HSD17B4: variants seen among roughly 807,000 people sequenced by gnomAD.
HSD17B4 encodes the protein peroxisomal multifunctional enzyme type 2.
Under a neutral mutation model 101.0 loss-of-function variants are expected in HSD17B4, and 70 were observed. The observed-to-expected ratio is 0.69, with a 90% CI of 0.57 to 0.85. The LOEUF (loss-of-function observed/expected upper bound fraction) is 0.85, where lower values mean the gene tolerates loss of function less well. Among genes scored for constraint, HSD17B4 ranks in the 40% least tolerant of loss-of-function variants. HSD17B4 has a pLI of 0.00. For missense variants in HSD17B4, 984 were observed against 892.4 expected (o/e 1.10, Z -1.31); for synonymous variants, 347 against 297.1 (o/e 1.17, Z -1.73).
At chr5:119,488,588 A>C (rs1057487146) in intron 8 of HSD17B4, among the ~76,000 whole-genome samples, 21 of 152,186 alleles carry the variant, frequency 1.4e-4, no homozygotes, top group African/African-American at 4.8e-4. Flanking sequence ...TCAAAATATC[A>C]CATGCACCTT....
At chr5:119,469,627 T>C (rs911952812) in intron 2 of HSD17B4, among the ~76,000 whole-genome samples, 2 of 152,228 alleles carry the variant, frequency 1.3e-5, no homozygotes, top group African/African-American at 4.8e-5. Flanking sequence ...AGTGCTGGGA[T>C]TGCAGGCGTG....
chr5:119,461,526 C>G (rs972272463), intron 2 of HSD17B4, among the ~76,000 whole-genome samples: 3 of 152,088 alleles, frequency 2.0e-5, no homozygotes, highest in African/African-American at 4.8e-5. Flanking sequence ...GTACCTTGTA[C>G]TTAGTTATCT....
intron 8 of HSD17B4, among the ~76,000 whole-genome samples, chr5:119,481,524 AG>A (rs1429222794): frequency 1.3e-5 from 2 of 152,208 alleles, no homozygotes; most frequent in African/African-American, 4.8e-5. Context: ...ATTGCAATAA[AG>A]CAAGTCATAT....
At chr5:119,465,823 C>T (rs985814485) in intron 2 of HSD17B4, among the ~76,000 whole-genome samples, 1 of 152,164 alleles carries the variant, frequency 6.6e-6, no homozygotes, top group African/African-American at 2.4e-5. Flanking sequence ...GTTTCTTTCT[C>T]TTGCCTAATT....
At chr5:119,510,779 G>GTA (rs1403799511) in intron 16 of HSD17B4, among the ~76,000 whole-genome samples, 3 of 152,202 alleles carry the variant, frequency 2.0e-5, no homozygotes, top group Non-Finnish European at 4.4e-5. Flanking sequence ...GACAGAAACT[G>GTA]TACCCCAGGC....
At chr5:119,504,807 G>A (rs1751499793) in intron 14 of HSD17B4, among the ~76,000 whole-genome samples, 1 of 152,082 alleles carries the variant, frequency 6.6e-6, no homozygotes, top group Non-Finnish European at 1.5e-5. Context: ...TGAGGACTTA[G>A]CCATAAATTA....
intron 18 of HSD17B4, 199 bp from the exon 19 acceptor site, chr5:119,525,718 T>TTTTTTTTTTC: frequency 1.7e-6 from 1 of 577,938 alleles, no homozygotes; most frequent in Non-Finnish European, 3.1e-6. Context: ...GTTTTGTTTT[T>TTTTTTTTTTC]TTTTTTTCTT....
At chr5:119,474,599 A>T in intron 4 of HSD17B4, 139 bp downstream of exon 4, 1 of 693,786 alleles carries the variant, frequency 1.4e-6, no homozygotes, top group Non-Finnish European at 2.6e-6. Context: ...TAAGTTAATT[A>T]TTGTACTTAT....
chr5:119,512,380 A>G (rs973485509), intron 16 of HSD17B4, among the ~76,000 whole-genome samples: 1 of 152,170 alleles, frequency 6.6e-6, no homozygotes, highest in Non-Finnish European at 1.5e-5. Context: ...AAAGAAATCC[A>G]TATTCTCTTC....
At chr5:119,478,400 C>T (rs1273053539) in intron 7 of HSD17B4, among the ~76,000 whole-genome samples, 3 of 152,072 alleles carry the variant, frequency 2.0e-5, no homozygotes, top group Non-Finnish European at 4.4e-5. Context: ...ATTTATTTTA[C>T]TTAGCCTAAG....
intron 1 of HSD17B4, among the ~76,000 whole-genome samples, chr5:119,454,147 T>A (rs1455730832): frequency 1.3e-5 from 2 of 152,210 alleles, no homozygotes; most frequent in African/African-American, 4.8e-5. Flanking sequence ...AGGCAATGCA[T>A]CCTGAAATTT....
In HSD17B4 at chr5:119,525,945, A is replaced by G. The variant is rs746520979; in HGVS notation, c.1602A>G (p.Leu534=). Residue 534 remains leucine (L), a synonymous_variant, in exon 19 of 24, where the codon TTA becomes TTG. Coordinates refer to ENST00000510025, the MANE Select transcript of HSD17B4 (RefSeq NM_000414.4). Reference sequence around the variant, plus strand: ...TTGACAAGCCCATATTACATGGATTATGTACATTTGGATTTTCTGCCAGGC... The same window carrying G: ...TTGACAAGCCCATATTACATGGATTGTGTACATTTGGATTTTCTGCCAGGC... ...AGFDKPILHG[L]CTFGFSARRV... The G allele has an allele frequency of 1.2e-6, 2 of 1,610,058 alleles. No individual in the cohort carries two copies. The highest frequency in any genetic ancestry group is 2.2e-5 in the East Asian group (1 of 44,806).
intron 22 of HSD17B4, among the ~76,000 whole-genome samples, chr5:119,531,692 A>G (rs978869885): frequency 2.0e-5 from 3 of 152,054 alleles, no homozygotes; most frequent in African/African-American, 2.4e-5. Flanking sequence ...TTAAACAGTC[A>G]TCTTGGCTAT....
intron 1 of HSD17B4, among the ~76,000 whole-genome samples, chr5:119,453,256 A>T (rs1754264404): frequency 6.6e-6 from 1 of 152,216 alleles, no homozygotes; most frequent in Admixed American, 6.5e-5. Context: ...TCAAATGCGC[A>T]CAGGGGTCAG....
intron 13 of HSD17B4, 76 bp downstream of exon 13, chr5:119,499,629 T>G: frequency 1.2e-6 from 1 of 814,540 alleles, no homozygotes; most frequent in Admixed American, 1.7e-5. Flanking sequence ...ATCTTATATA[T>G]ATGTGTGTGT....
rs530132990 is a variant in HSD17B4 at position 119,520,863 on chromosome 5, C to T, written c.1504-4353C>T. On this transcript the variant is annotated intron_variant, in intron 17 of 23. Coordinates refer to ENST00000510025, the MANE Select transcript of HSD17B4 (RefSeq NM_000414.4). The stretch of plus-strand genomic sequence containing the variant: ...AGTTTTGATTGCTGTTCTTTGGCTT[C>T]GTTTCTTGTATAACAGTCAAAAGAG... Among the ~76,000 whole-genome samples, 587 of 152,228 alleles carry T rather than the reference C, an allele frequency of 3.9e-3. 1 individual carries two copies. The highest frequency in any genetic ancestry group is 0.017 in the Middle Eastern group (5 of 294).
chr5:119,468,114 C>G (rs1182659499), intron 2 of HSD17B4, among the ~76,000 whole-genome samples: 1 of 151,494 alleles, frequency 6.6e-6, no homozygotes, highest in Non-Finnish European at 1.5e-5. Flanking sequence ...CTTTCTTTGT[C>G]TTTTATTGTC....
chr5:119,469,935 G>A (rs1054486948), intron 2 of HSD17B4, among the ~76,000 whole-genome samples: 1 of 152,128 alleles, frequency 6.6e-6, no homozygotes, highest in African/African-American at 2.4e-5. Flanking sequence ...AACAGGGATT[G>A]CCAGATGGGT....
intron 1 of HSD17B4, among the ~76,000 whole-genome samples, chr5:119,453,724 G>C (rs572898160): frequency 5.1e-4 from 78 of 152,328 alleles, no homozygotes; most frequent in African/African-American, 1.8e-3. Flanking sequence ...CAGTGTTGAT[G>C]AATAGCCAAG....
Sources: gnomAD v4.1 joint callset for allele counts (sites outside exome capture counted in the v4.1 genomes callset) on GRCh38, gnomAD v4.1.1 for gene constraint, MANE v1.5 for transcripts, NCBI Gene and HGNC (gene_info 2026-07-23, HGNC 2026-07-21) for gene names.